Variants in PHC3 observed in about 807,000 individuals in gnomAD.
PHC3 encodes the protein polyhomeotic homolog 3.
In PHC3, 13 loss-of-function variants were observed where a neutral mutation model predicts 107.4. The observed-to-expected ratio is 0.12, with a 90% CI of 0.08 to 0.19. The LOEUF (loss-of-function observed/expected upper bound fraction) is 0.19, where lower values mean the gene tolerates loss of function less well. Among genes scored for constraint, PHC3 ranks in the 10% least tolerant of loss-of-function variants. The pLI is 1.00. For missense variants in PHC3, 992 were observed against 1,210.9 expected (o/e 0.82, Z 2.68); for synonymous variants, 456 against 427.4 (o/e 1.07, Z -0.83).
rs751549743 is a variant in PHC3 at position 170,171,475 on chromosome 3, A to T, written c.337-25T>A. On this transcript the variant is annotated intron_variant, in intron 3 of 14. Coordinates refer to ENST00000495893, the MANE Select transcript of PHC3 (RefSeq NM_024947.4). Reference sequence around the variant, plus strand: ...CCTAAAATAGTAAGACTTTTAGAATATGTCGGTAAAAACCTGAAGTTAAGA... The same window carrying T: ...CCTAAAATAGTAAGACTTTTAGAATTTGTCGGTAAAAACCTGAAGTTAAGA... 20 of 1,514,676 alleles carry T rather than the reference A, an allele frequency of 1.3e-5. No homozygotes were observed. The South Asian group carries it at 2.6e-4, about 20-fold the overall frequency. The allele number at this position is 1,514,676 out of a possible 1,614,324, so 93.8% of individuals were successfully genotyped here. A position where few individuals can be genotyped will look rare whatever the true frequency, so the allele number is the denominator to read the frequency against.
chr3:170,148,641 TACAAATTATAAC>T (rs1725397037), intron 5 of PHC3: 1 of 153,412 alleles, frequency 6.5e-6, no homozygotes. Flanking sequence ...AATCCTAGGA[TACAAATTATAAC>T]TTTAACAACA....
At chr3:170,152,152 TTTTG>T (rs748423776) in intron 4 of PHC3, among the ~76,000 whole-genome samples, 12 of 151,814 alleles carry the variant, frequency 7.9e-5, no homozygotes, top group East Asian at 3.9e-4. Flanking sequence ...TATTCTGTAA[TTTTG>T]TTTGTTTTTG....
chr3:170,149,676 G>C (rs113687726), intron 4 of PHC3, among the ~76,000 whole-genome samples: 1 of 152,010 alleles, frequency 6.6e-6, no homozygotes, highest in East Asian at 1.9e-4. Context: ...GGCTGGTCTC[G>C]AACTCCTGAC....
rs773251309 is a variant in PHC3 at position 170,128,743 on chromosome 3, G to T, written c.1729C>A (p.Pro577Thr). The T allele has an allele frequency of 6.2e-7, 1 of 1,614,036 alleles. No individual in the cohort carries two copies. Among genetic ancestry groups the T allele is most frequent in the Non-Finnish European group, 8.5e-7 (1 of 1,179,884 alleles). Residue 577 changes from proline (P) to threonine (T), a missense_variant, in exon 8 of 15, where the codon CCA (proline) becomes ACA (threonine). This residue lies in a region of PHC3 where 543 missense variants were observed against 590.8 expected (regional missense o/e 0.92). Coordinates refer to ENST00000495893, the MANE Select transcript of PHC3 (RefSeq NM_024947.4). ...TGTAGGTTTACCGCAACAGTCTGTGGAGGAGGAAGAGTCTGAAATGGCAAC... is the reference window on the plus strand; with the variant it reads ...TGTAGGTTTACCGCAACAGTCTGTGTAGGAGGAAGAGTCTGAAATGGCAAC... Reference protein sequence around the residue: ...VQLPFQTLPPPQTVAVNLQVQ... With the variant: ...VQLPFQTLPPTQTVAVNLQVQ...
At chr3:170,103,238 C>T (rs13315307) in intron 12 of PHC3, among the ~76,000 whole-genome samples, 3,506 of 151,992 alleles carry the variant, frequency 0.023, 146 homozygotes, top group African/African-American at 0.08. Context: ...CAGAGGATAA[C>T]CAATTTTCAT....
chr3:170,109,001 T>C (rs947298216), intron 11 of PHC3, among the ~76,000 whole-genome samples: 1 of 152,218 alleles, frequency 6.6e-6, no homozygotes, highest in Non-Finnish European at 1.5e-5. Context: ...ATAAGTTTTA[T>C]TTCTCATAAA....
intron 4 of PHC3, chr3:170,171,154 C>T (rs1000841248): frequency 1.7e-6 from 1 of 574,372 alleles, no homozygotes; most frequent in African/African-American, 1.9e-5. Flanking sequence ...AATGGATATA[C>T]AAGAAATAAT....
intron 2 of PHC3, among the ~76,000 whole-genome samples, chr3:170,178,378 G>C (rs900387735): frequency 6.6e-6 from 1 of 151,932 alleles, no homozygotes; most frequent in Non-Finnish European, 1.5e-5. Context: ...TGATCCGCCC[G>C]CCTCGGCCTC....
intron 4 of PHC3, among the ~76,000 whole-genome samples, chr3:170,153,649 G>A: frequency 6.6e-6 from 1 of 151,774 alleles, no homozygotes; most frequent in African/African-American, 2.4e-5. Context: ...TGTAGTCCCA[G>A]CTACTCGGGA....
intron 4 of PHC3, among the ~76,000 whole-genome samples, chr3:170,151,170 C>T (rs1183075018): frequency 6.6e-6 from 1 of 152,090 alleles, no homozygotes; most frequent in Non-Finnish European, 1.5e-5. Flanking sequence ...AAGATCACGC[C>T]ACTACACTCC....
intron 1 of PHC3, 28 bp from the exon 2 acceptor site, chr3:170,178,966 T>G: frequency 6.3e-7 from 1 of 1,581,766 alleles, no homozygotes; most frequent in Non-Finnish European, 8.6e-7. Context: ...GTGTTTGTAT[T>G]GGTAAAAGCA....
rs1203894075 is a variant in PHC3, at chr3:170,089,929, G to GAAAAAAAAAAAAAAAA, written c.*7300_*7301insTTTTTTTTTTTTTTTT. Reference sequence around the variant, plus strand: ...GAACCCATCTCAAAAAAAAAAAAAAGAAAAAAAAAAAAAAAGAAAGAAAGT... The same window carrying GAAAAAAAAAAAAAAAA: ...GAACCCATCTCAAAAAAAAAAAAAAGAAAAAAAAAAAAAAAAAAAAAAAAAAAAAAAGAAAGAAAGT... On this transcript the variant is annotated 3_prime_UTR_variant, in exon 15 of 15. Transcript: ENST00000495893. The GAAAAAAAAAAAAAAAA allele has an allele frequency of 9.9e-6, 1 of 100,702 alleles. No homozygotes were observed. Among genetic ancestry groups the GAAAAAAAAAAAAAAAA allele is most frequent in the Non-Finnish European group, 2.1e-5 (1 of 47,938 alleles). 6.2% of individuals were successfully genotyped at this position (100,702 alleles called of 1,614,324 possible).
At position 170,177,022 on chromosome 3, in the gene PHC3, A is replaced by G. The variant is rs191263212; in HGVS notation, c.180+1751T>C. 821 of 334,772 alleles carry G rather than the reference A, an allele frequency of 2.5e-3. 7 individuals carry two copies. Among genetic ancestry groups the G allele is most frequent in the African/African-American group, 0.017 (777 of 46,710 alleles). The allele number at this position is 334,772 out of a possible 1,614,324, so 20.7% of individuals were successfully genotyped here. ...CCATATTGCCCCAACCTCCATTATCATAAATGTTAACTAAGTAAACTTTAC... is the reference window on the plus strand; with the variant it reads ...CCATATTGCCCCAACCTCCATTATCGTAAATGTTAACTAAGTAAACTTTAC... On this transcript the variant is annotated intron_variant, in intron 2 of 14. Coordinates refer to ENST00000495893, the MANE Select transcript of PHC3 (RefSeq NM_024947.4).
rs746180532 is a variant in PHC3 at position 170,095,435 on chromosome 3, T to TA, written c.*1794dup. ...ATTCAAACAAGAGGCATCTAAAGATTAAAAAAATTACCCGCTGTATTTTTG... is the reference window on the plus strand; with the variant it reads ...ATTCAAACAAGAGGCATCTAAAGATTAAAAAAAATTACCCGCTGTATTTTTG... On this transcript the variant is annotated 3_prime_UTR_variant, in exon 15 of 15. Coordinates refer to ENST00000495893, the MANE Select transcript of PHC3 (RefSeq NM_024947.4). 3 of 152,080 alleles carry TA rather than the reference T, an allele frequency of 2.0e-5. No individual in the cohort carries two copies. Among genetic ancestry groups the TA allele is most frequent in the Non-Finnish European group, 4.4e-5 (3 of 67,996 alleles). 9.4% of individuals were successfully genotyped at this position (152,080 alleles called of 1,614,324 possible).
chr3:170,145,876 T>C (rs941003433), intron 5 of PHC3, among the ~76,000 whole-genome samples: 1 of 151,620 alleles, frequency 6.6e-6, no homozygotes. Flanking sequence ...ATTCCTAAAA[T>C]GGGAAGTAAA....
At chr3:170,121,459 G>T (rs1199273906) in intron 9 of PHC3, among the ~76,000 whole-genome samples, 1 of 152,154 alleles carries the variant, frequency 6.6e-6, no homozygotes, top group South Asian at 2.1e-4. Context: ...TTGTGAGGAG[G>T]CACATACGGG....
intron 6 of PHC3, among the ~76,000 whole-genome samples, chr3:170,137,237 A>G (rs187010228): frequency 5.9e-5 from 9 of 152,308 alleles, no homozygotes; most frequent in African/African-American, 2.2e-4. Flanking sequence ...GTTATTGAAC[A>G]TTCACTGCCT....
chr3:170,105,278 A>C (rs1226433809), intron 12 of PHC3, among the ~76,000 whole-genome samples: 1 of 152,236 alleles, frequency 6.6e-6, no homozygotes, highest in Non-Finnish European at 1.5e-5. Flanking sequence ...AGAAAACTCA[A>C]GTTAAAACAT....
intron 4 of PHC3, among the ~76,000 whole-genome samples, chr3:170,156,857 A>G (rs1726986695): frequency 6.6e-6 from 1 of 152,146 alleles, no homozygotes; most frequent in Non-Finnish European, 1.5e-5. Context: ...GGCCTCCCAA[A>G]ATGCTGGGAT....
Sources: gnomAD v4.1 joint callset for allele counts (sites outside exome capture counted in the v4.1 genomes callset) on GRCh38, gnomAD v4.1.1 for gene constraint, gnomAD v4.1.1 regional missense constraint, MANE v1.5 for transcripts, NCBI Gene and HGNC (gene_info 2026-07-23, HGNC 2026-07-21) for gene names.